Variants in PALLD observed in about 807,000 individuals in gnomAD.
The protein encoded by PALLD is palladin, cytoskeletal associated protein, also known as palladin.
A neutral mutation model predicts 123.5 loss-of-function variants in PALLD; 61 were observed. That is an observed-to-expected ratio of 0.49 (90% CI 0.40 to 0.61). PALLD has a LOEUF of 0.61. PALLD is among the 20% of genes least tolerant of loss of function. The pLI, the probability that PALLD is intolerant of heterozygous loss-of-function variation, is 0.00. For missense variants in PALLD, 1,273 were observed against 1,377.0 expected, an observed-to-expected ratio of 0.92 and a Z score of 1.20; for synonymous variants, 465 against 496.4, an observed-to-expected ratio of 0.94 and a Z score of 0.84.
rs189011214 is a variant in PALLD, at chr4:168,497,162, C to G, written c.-115C>G. ...TGCTCATCTGAAATTCATCACCTCT[C>G]TGGAGTCTTCAAACTGACCAAGCAT... On this transcript the variant is annotated 5_prime_UTR_variant, in exon 1 of 22. Transcript: ENST00000505667. The G allele has an allele frequency of 1.3e-4, 20 of 152,088 alleles. No homozygotes were observed. The highest frequency in any genetic ancestry group is 8.5e-4 in the Admixed American group (13 of 15,282). The allele number at this position is 152,088 out of a possible 1,614,324, so 9.4% of individuals were successfully genotyped here.
chr4:168,518,598 T>C (rs2149446449), intron 2 of PALLD, among the ~76,000 whole-genome samples: 1 of 152,310 alleles, frequency 6.6e-6, no homozygotes. Context: ...TCTCCCCAGA[T>C]ATCTGCAGGA....
intron 2 of PALLD, among the ~76,000 whole-genome samples, chr4:168,618,770 C>T (rs980692476): frequency 1.3e-5 from 2 of 152,182 alleles, no homozygotes; most frequent in Non-Finnish European, 2.9e-5. Context: ...ATGAGTCCTT[C>T]CCTCCAAGGA....
At chr4:168,886,132 A>G (rs1009480177) in intron 10 of PALLD, among the ~76,000 whole-genome samples, 1 of 152,228 alleles carries the variant, frequency 6.6e-6, no homozygotes, top group Non-Finnish European at 1.5e-5. Context: ...TGAGACTATC[A>G]TGATGAAGCT....
At chr4:168,695,636 A>C (rs1185320095) in intron 8 of PALLD, among the ~76,000 whole-genome samples, 1 of 152,214 alleles carries the variant, frequency 6.6e-6, no homozygotes, top group African/African-American at 2.4e-5. Context: ...CATGTAAAAC[A>C]TGAAATGAGG....
chr4:168,590,864 GTTTTTTTTTTT>G (rs371992201), intron 2 of PALLD, among the ~76,000 whole-genome samples: 3 of 70,194 alleles, frequency 4.3e-5, no homozygotes, highest in Non-Finnish European at 7.6e-5. Context: ...GACCTAGAAA[GTTTTTTTTTTT>G]TTTTTTTTTT....
chr4:168,850,411 A>G (rs1008404578), intron 10 of PALLD, among the ~76,000 whole-genome samples: 5 of 152,150 alleles, frequency 3.3e-5, no homozygotes, highest in Non-Finnish European at 5.9e-5. Flanking sequence ...CCTCTAGAAG[A>G]TAACGATTGT....
chr4:168,820,471 A>G (rs1742558356), intron 10 of PALLD, among the ~76,000 whole-genome samples: 1 of 152,186 alleles, frequency 6.6e-6, no homozygotes, highest in Non-Finnish European at 1.5e-5. Context: ...TGAAACTGCA[A>G]GCTATTTGTA....
At chr4:168,737,059 G>A (rs1787830970) in intron 10 of PALLD, among the ~76,000 whole-genome samples, 1 of 152,180 alleles carries the variant, frequency 6.6e-6, no homozygotes, top group Non-Finnish European at 1.5e-5. Context: ...TATGCAAATT[G>A]CTGACCACAA....
intron 10 of PALLD, among the ~76,000 whole-genome samples, chr4:168,796,142 A>G (rs562625896): frequency 6.6e-6 from 1 of 152,032 alleles, no homozygotes; most frequent in Non-Finnish European, 1.5e-5. Context: ...ACTGGGTCTT[A>G]TTCATTCTTC....
chr4:168,615,068 G>A lies in PALLD; in HGVS notation c.909-53122G>A, dbSNP rs143046841. Reference sequence around the variant, plus strand: ...TTACATGATTAAAGAAATAGGCTAAGGGAATAAACTGCTGTATACAGGGTT... The same window carrying A: ...TTACATGATTAAAGAAATAGGCTAAAGGAATAAACTGCTGTATACAGGGTT... On this transcript the variant is annotated intron_variant, in intron 2 of 21. Transcript: ENST00000505667. 1.7e-3 allele frequency among the ~76,000 whole-genome samples: 260 copies of A among 152,130 alleles called. 2 individuals carry two copies. The highest frequency in any genetic ancestry group is 5.9e-3 in the African/African-American group (245 of 41,506).
At chr4:168,889,164 GT>G (rs1753794649) in intron 10 of PALLD, among the ~76,000 whole-genome samples, 7 of 145,680 alleles carry the variant, frequency 4.8e-5, no homozygotes, top group African/African-American at 1.8e-4. Flanking sequence ...GTGTGTGTGT[GT>G]GGTTTTTTTT....
chr4:168,765,344 G>A (rs539094190), intron 10 of PALLD, among the ~76,000 whole-genome samples: 85 of 152,302 alleles, frequency 5.6e-4, no homozygotes, highest in Admixed American at 2.0e-3. Flanking sequence ...GACAGAGAGC[G>A]TGGCCCAGAG....
intron 10 of PALLD, among the ~76,000 whole-genome samples, chr4:168,746,610 G>A (rs944580299): frequency 2.0e-5 from 3 of 151,904 alleles, no homozygotes; most frequent in Non-Finnish European, 2.9e-5. Flanking sequence ...GTTAACTTAC[G>A]AGTACTGTAC....
At chr4:168,890,840 C>T in intron 10 of PALLD, 82 bp from the exon 11 acceptor site, 5 of 1,404,970 alleles carry the variant, frequency 3.6e-6, no homozygotes, top group Admixed American at 1.7e-5. Context: ...ATACCTTGCA[C>T]TGTCTTTGTT....
At chr4:168,717,335 C>CTTTTTTTG (rs916162138) in intron 10 of PALLD, among the ~76,000 whole-genome samples, 2 of 151,714 alleles carry the variant, frequency 1.3e-5, no homozygotes, top group Non-Finnish European at 2.9e-5. Context: ...GCCTAACGTT[C>CTTTTTTTG]TTTTTTTGTT....
At chr4:168,799,486 T>A (rs944013920) in intron 10 of PALLD, among the ~76,000 whole-genome samples, 1 of 152,180 alleles carries the variant, frequency 6.6e-6, no homozygotes, top group South Asian at 2.1e-4. Context: ...TATGAGCAAA[T>A]CCCTTATCAA....
intron 3 of PALLD, among the ~76,000 whole-genome samples, chr4:168,678,343 C>T (rs911362385): frequency 9.2e-5 from 14 of 152,110 alleles, no homozygotes; most frequent in Non-Finnish European, 2.1e-4. Context: ...GCACATAGGA[C>T]ATATGCAAAA....
At chr4:168,879,931 TAGAG>T (rs10570657) in intron 10 of PALLD, among the ~76,000 whole-genome samples, 5 of 152,332 alleles carry the variant, frequency 3.3e-5, no homozygotes, top group African/African-American at 9.6e-5. Flanking sequence ...AAGAAGCTGT[TAGAG>T]AGACCCAAAG....
At chr4:168,573,538 C>A (rs780405616) in intron 2 of PALLD, among the ~76,000 whole-genome samples, 2 of 151,988 alleles carry the variant, frequency 1.3e-5, no homozygotes, top group Non-Finnish European at 2.9e-5. Flanking sequence ...GAAACATATC[C>A]CAAATACCCT....
Sources: gnomAD v4.1 joint callset for allele counts (sites outside exome capture counted in the v4.1 genomes callset) on GRCh38, gnomAD v4.1.1 for gene constraint, MANE v1.5 for transcripts, NCBI Gene and HGNC (gene_info 2026-07-23, HGNC 2026-07-21) for gene names.